Variants in LAMA1 observed in about 807,000 individuals in gnomAD.
The protein encoded by LAMA1 is laminin subunit alpha 1, also known as laminin subunit alpha-1.
A neutral mutation model predicts 348.7 loss-of-function variants in LAMA1; 219 were observed. The ratio of observed to expected loss-of-function variants is 0.63; its 90% confidence interval spans 0.56 to 0.70. The LOEUF is 0.70. LAMA1 is among the 30% of genes least tolerant of loss of function. LAMA1 has a pLI of 0.00. For synonymous variants in LAMA1, 1,487 were observed against 1,491.0 expected, an observed-to-expected ratio of 1.00 and a Z score of 0.06; for missense variants, 3,744 against 3,888.0, an observed-to-expected ratio of 0.96 and a Z score of 0.99.
At chr18:6,986,790 G>C (rs1187546939) in intron 36 of LAMA1, among the ~76,000 whole-genome samples, 1 of 152,100 alleles carries the variant, frequency 6.6e-6, no homozygotes, top group Non-Finnish European at 1.5e-5. Flanking sequence ...GAGAAGACTT[G>C]CTCTTGTCCC....
intron 57 of LAMA1, chr18:6,953,688 C>T (rs2057560791): frequency 6.6e-6 from 1 of 152,198 alleles, no homozygotes; most frequent in Non-Finnish European, 1.5e-5. Flanking sequence ...GAGATAATAA[C>T]AATTCCTTCC....
At chr18:7,023,432 C>A in intron 18 of LAMA1, 57 bp from the exon 19 acceptor site, 1 of 1,421,616 alleles carries the variant, frequency 7.0e-7, no homozygotes, top group Non-Finnish European at 9.9e-7. Flanking sequence ...GGCCTTACCG[C>A]ACTATCCAGG....
Position 6,962,003 on chromosome 18 carries a change from C to T in LAMA1, c.7394G>A (p.Arg2465Lys). The T allele has an allele frequency of 1.2e-6, 2 of 1,614,222 alleles. No individual in the cohort carries two copies. The highest frequency in any genetic ancestry group is 1.7e-6 in the Non-Finnish European group (2 of 1,180,036). Residue 2465 changes from arginine (R) to lysine (K), a missense_variant, in exon 52 of 63, where the codon AGA (arginine) becomes AAA (lysine). This residue lies in a region of LAMA1 where 1,983 missense variants were observed against 1,934.3 expected (regional missense o/e 1.03). Transcript: ENST00000389658. ...VGCIKNLEIS[R>K]STFDLLRNSY... is the part of the protein sequence containing the mutation. The stretch of plus-strand genomic sequence containing the variant: ...ATTTCTGAGTAAGTCAAAGGTTGAT[C>T]TGGATATTTCCAGGTTCTTGATGCA...
intron 41 of LAMA1, among the ~76,000 whole-genome samples, 159 bp from the exon 42 acceptor site, chr18:6,980,796 T>C (rs2057707956): frequency 6.6e-6 from 1 of 152,140 alleles, no homozygotes; most frequent in Admixed American, 6.5e-5. Flanking sequence ...CCACTCATTA[T>C]AGAAATTAAG....
chr18:7,083,243 T>C (rs946082485), intron 1 of LAMA1, among the ~76,000 whole-genome samples: 4 of 150,416 alleles, frequency 2.7e-5, no homozygotes, highest in South Asian at 2.1e-4. Context: ...TGGAGTGCAG[T>C]GGCACGATCT....
At chr18:6,981,028 G>C (rs549038180) in intron 41 of LAMA1, among the ~76,000 whole-genome samples, 3 of 151,920 alleles carry the variant, frequency 2.0e-5, no homozygotes, top group Non-Finnish European at 4.4e-5. Flanking sequence ...GCGTGAACCC[G>C]GGAGGTGGAA....
intron 3 of LAMA1, among the ~76,000 whole-genome samples, chr18:7,067,597 A>G (rs1227899137): frequency 5.3e-5 from 8 of 152,112 alleles, no homozygotes; most frequent in Non-Finnish European, 1.0e-4. Context: ...TACCAAGGGA[A>G]TGGCTTATAC....
intron 39 of LAMA1, 36 bp downstream of exon 39, chr18:6,985,201 G>C (rs996219087): frequency 1.2e-5 from 20 of 1,612,668 alleles, no homozygotes; most frequent in Non-Finnish European, 1.7e-5. Flanking sequence ...TCAATAGACT[G>C]CAAGCTCTTG....
At chr18:7,099,613 G>C (rs536205164) in intron 1 of LAMA1, among the ~76,000 whole-genome samples, 1 of 151,714 alleles carries the variant, frequency 6.6e-6, no homozygotes, top group Non-Finnish European at 1.5e-5. Context: ...CTAAGATCTT[G>C]GATTAGGCAA....
intron 1 of LAMA1, among the ~76,000 whole-genome samples, chr18:7,089,109 T>C (rs1364962367): frequency 6.6e-6 from 1 of 152,106 alleles, no homozygotes; most frequent in Non-Finnish European, 1.5e-5. Context: ...GCCAGGGTGG[T>C]GGCTCATGCC....
At chr18:7,077,834 A>G (rs2058175620) in intron 3 of LAMA1, among the ~76,000 whole-genome samples, 1 of 152,078 alleles carries the variant, frequency 6.6e-6, no homozygotes. Context: ...GGCCAGGGTT[A>G]AAAAGAAGCT....
rs750276807 is a variant in LAMA1 at position 6,949,231 on chromosome 18, C to G, written c.8426G>C (p.Gly2809Ala). The G allele has an allele frequency of 5.0e-6, 8 of 1,614,046 alleles. No individual in the cohort carries two copies. The highest frequency in any genetic ancestry group is 2.2e-5 in the East Asian group (1 of 44,900). Residue 2809 changes from glycine (G) to alanine (A), a missense_variant, in exon 59 of 63, where the codon GGC becomes GCC. By Grantham distance (60) the Gly-to-Ala change is moderately conservative. This residue lies in a region of LAMA1 where 1,983 missense variants were observed against 1,934.3 expected (regional missense o/e 1.03). Transcript: ENST00000389658. The stretch of plus-strand genomic sequence containing the variant: ...CTCTCGGCCGTCGACAGTTATGAAG[C>G]CTTTTCTTTTAACATAGTCTGTCTT... Reference protein sequence around the residue: ...TVKTDYVKRKGFITVDGRESP... With the variant: ...TVKTDYVKRKAFITVDGRESP...
chr18:7,062,642 T>C (rs1203919166), intron 3 of LAMA1, among the ~76,000 whole-genome samples: 1 of 151,342 alleles, frequency 6.6e-6, no homozygotes, highest in Non-Finnish European at 1.5e-5. Context: ...TCTTACAGGG[T>C]TTTCTAAAAG....
intron 34 of LAMA1, among the ~76,000 whole-genome samples, chr18:6,995,122 C>A (rs112079633): frequency 6.6e-6 from 1 of 152,240 alleles, no homozygotes; most frequent in Non-Finnish European, 1.5e-5. Context: ...GACTGCCCAA[C>A]TCTGTCCTCA....
chr18:7,110,073 C>T (rs1011516138), intron 1 of LAMA1, among the ~76,000 whole-genome samples: 2 of 151,732 alleles, frequency 1.3e-5, no homozygotes, highest in African/African-American at 4.8e-5. Flanking sequence ...CCCAGCTACT[C>T]GGGAGGCTGA....
At chr18:6,978,094 A>T in intron 43 of LAMA1, 102 bp downstream of exon 43, 4 of 1,481,598 alleles carry the variant, frequency 2.7e-6, no homozygotes. Flanking sequence ...GCATACTTCT[A>T]CTTTTCAGGA....
In LAMA1 at chr18:7,049,356, G is replaced by A. The variant is rs552466341; in HGVS notation, c.589-99C>T. ...GCTCTTTGGTCCAGGCTGGAGTGCA[G>A]TGGCACAATCTTGGCTCACTGTAAC... On this transcript the variant is annotated intron_variant, in intron 4 of 62. Transcript: ENST00000389658. The A allele has an allele frequency of 3.0e-4, 328 of 1,106,650 alleles. 1 individual carries two copies. In the African/African-American group the frequency reaches 4.3e-3, roughly 14 times the overall value. The allele number at this position is 1,106,650 out of a possible 1,614,324, so 68.6% of individuals were successfully genotyped here.
chr18:7,080,002 C>G lies in LAMA1; in HGVS notation c.318G>C (p.Trp106Cys). 1.2e-6 allele frequency: 2 copies of G among 1,614,004 alleles called. No homozygotes were observed. The highest frequency in any genetic ancestry group is 1.1e-5 in the South Asian group (1 of 91,076). The change falls in exon 3 of 63, where the codon TGG (tryptophan) becomes TGC (cysteine). Residue 106 changes from tryptophan to cysteine, a missense_variant. Trp to Cys is a radical substitution (Grantham distance 215). Transcript: ENST00000389658. ...GTCTTAAGTCCAGAGTGATTGTGACCCAGTGATATTCTCTCCCATTCTGAA... is the reference window on the plus strand; with the variant it reads ...GTCTTAAGTCCAGAGTGATTGTGACGCAGTGATATTCTCTCCCATTCTGAA... ...PSIQNGREYH[W>C]VTITLDLRQV...
intron 1 of LAMA1, among the ~76,000 whole-genome samples, chr18:7,082,605 A>G (rs1027837324): frequency 1.3e-5 from 2 of 152,218 alleles, no homozygotes; most frequent in Admixed American, 6.5e-5. Flanking sequence ...TCCATCCTTT[A>G]TGACCATAAT....
Sources: allele counts gnomAD v4.1 joint callset (sites outside exome capture counted in the v4.1 genomes callset), GRCh38; gene constraint gnomAD v4.1.1; regional missense constraint gnomAD v4.1.1; transcripts MANE v1.5; gene names NCBI Gene and HGNC (gene_info 2026-07-23, HGNC 2026-07-21).